Variants in NUP210L observed in about 807,000 individuals in gnomAD.
NUP210L encodes the protein nuclear pore membrane glycoprotein 210-like.
Under a neutral mutation model 208.5 loss-of-function variants are expected in NUP210L, and 74 were observed. The observed-to-expected ratio is 0.35, with a 90% CI of 0.29 to 0.43. The LOEUF (loss-of-function observed/expected upper bound fraction) is 0.43. Among genes scored for constraint, NUP210L ranks in the 20% least tolerant of loss-of-function variants. NUP210L has a pLI of 1.00. For missense variants in NUP210L, 1,843 were observed against 2,289.4 expected (o/e 0.81, Z 3.98); for synonymous variants, 780 against 816.9 (o/e 0.95, Z 0.77).
rs779190114 is a variant in NUP210L at position 154,045,274 on chromosome 1, G to A, written c.3696+795C>T. Among the ~76,000 whole-genome samples the A allele has an allele frequency of 2.0e-5, 3 of 152,082 alleles. No individual in the cohort carries two copies. The South Asian group carries it at 6.2e-4, about 31-fold the overall frequency. On this transcript the variant is annotated intron_variant, in intron 27 of 39. Coordinates refer to ENST00000368559, the Ensembl canonical transcript of NUP210L. ...GCTAAACAAAGCAATGCCACCTACA[G>A]CCCTCTATATTTGCTTTTCTTACTA...
chr1:154,035,307 T>C (rs1020645788), intron 27 of NUP210L, among the ~76,000 whole-genome samples: 6 of 152,258 alleles, frequency 3.9e-5, no homozygotes, highest in Admixed American at 3.3e-4. Context: ...TGATATTTAT[T>C]ATTTCTTTTC....
intron 12 of NUP210L, chr1:154,104,416 A>C (rs1656639279): frequency 9.0e-6 from 5 of 554,270 alleles, no homozygotes; most frequent in African/African-American, 1.9e-5. Context: ...ACATCATATC[A>C]AGGAAGGAGC....
chr1:153,998,807 C>T lies in NUP210L; in HGVS notation c.5386+2049G>A, dbSNP rs1650048640. 2.0e-5 allele frequency among the ~76,000 whole-genome samples: 3 copies of T among 150,384 alleles called. No individual in the cohort carries two copies. In the Admixed American group the frequency reaches 2.0e-4, roughly 10 times the overall value. On this transcript the variant is annotated intron_variant, in intron 37 of 39. Transcript: ENST00000368559. ...TGATCATGCCTCACTGCAACTTCAA[C>T]CTCCTGGGCTTAGGCAGTCCTCCCA...
At position 154,023,201 on chromosome 1, in the gene NUP210L, T is replaced by C. The variant is rs1651663591; in HGVS notation, c.4219A>G (p.Thr1407Ala). Residue 1407 changes from threonine (T) to alanine (A), a missense_variant, in exon 31 of 40, where the codon ACC (threonine) becomes GCC (alanine). Thr to Ala is a moderately conservative substitution (Grantham distance 58). Coordinates refer to ENST00000368559, the Ensembl canonical transcript of NUP210L. ...CTATTATAAAACTGAACAGTGAAGGTAAGAGACATGCCCAAGGGAAATGCT... is the reference window on the plus strand; with the variant it reads ...CTATTATAAAACTGAACAGTGAAGGCAAGAGACATGCCCAAGGGAAATGCT... 3.1e-6 allele frequency: 5 copies of C among 1,613,978 alleles called. No homozygotes were observed. In the African/African-American group the frequency reaches 6.7e-5, roughly 22 times the overall value.
intron 16 of NUP210L, among the ~76,000 whole-genome samples, chr1:154,086,416 G>C (rs1218929894): frequency 6.6e-6 from 1 of 152,042 alleles, no homozygotes; most frequent in East Asian, 1.9e-4. Context: ...TGATTTCTTA[G>C]ATTAGATATG....
At chr1:154,010,243 G>C in intron 34 of NUP210L, 122 bp from the exon 35 acceptor site, 1 of 853,980 alleles carries the variant, frequency 1.2e-6, no homozygotes, top group Non-Finnish European at 1.8e-6. Flanking sequence ...GTCAGTTATG[G>C]CTGGTTTGCC....
At chr1:154,148,738 A>T (rs141468089) in intron 2 of NUP210L, among the ~76,000 whole-genome samples, 271 of 152,282 alleles carry the variant, frequency 1.8e-3, no homozygotes, top group African/African-American at 6.3e-3. Context: ...GACAAACAGA[A>T]CCCCAAGTTA....
Position 153,995,837 on chromosome 1 carries a change from A to G in NUP210L, c.5387-657T>C, listed in dbSNP as rs568007295. On this transcript the variant is annotated intron_variant, in intron 37 of 39. Coordinates refer to ENST00000368559, the Ensembl canonical transcript of NUP210L. The stretch of plus-strand genomic sequence containing the variant: ...CCTGAAGTTCTTACGAGATTGTCCA[A>G]AACAACATGTCGGGTTCCATGTGTG... 5.4e-5 allele frequency: 33 copies of G among 611,608 alleles called. No homozygotes were observed. In the East Asian group the frequency reaches 1.2e-3, roughly 22 times the overall value. The allele number at this position is 611,608 out of a possible 1,614,324, so 37.9% of individuals were successfully genotyped here. A position where few individuals can be genotyped will look rare whatever the true frequency, so the allele number is the denominator to read the frequency against.
chr1:154,142,699 T>A (rs1558007606), intron 3 of NUP210L, among the ~76,000 whole-genome samples: 2 of 151,796 alleles, frequency 1.3e-5, no homozygotes, highest in Non-Finnish European at 2.9e-5. Flanking sequence ...GAGACCAGCC[T>A]GGTCAACATG....
chr1:154,141,397 T>A, intron 4 of NUP210L, 34 bp downstream of exon 4: 8 of 1,309,190 alleles, frequency 6.1e-6, no homozygotes, highest in Non-Finnish European at 8.9e-6. Context: ...GTCTTCTTCA[T>A]AGTCAGATGA....
At chr1:154,150,033 G>C (rs965660326) in intron 2 of NUP210L, among the ~76,000 whole-genome samples, 2 of 152,120 alleles carry the variant, frequency 1.3e-5, no homozygotes, top group Non-Finnish European at 2.9e-5. Flanking sequence ...TTTGAGACCA[G>C]CCTAGGCAAC....
intron 33 of NUP210L, among the ~76,000 whole-genome samples, chr1:154,014,100 A>C (rs1651113094): frequency 6.6e-6 from 1 of 152,136 alleles, no homozygotes; most frequent in Non-Finnish European, 1.5e-5. Context: ...TATACTCTAC[A>C]TTCTCCTTAG....
At chr1:154,042,086 TTCCC>T (rs1652913814) in intron 27 of NUP210L, among the ~76,000 whole-genome samples, 1 of 151,956 alleles carries the variant, frequency 6.6e-6, no homozygotes, top group Admixed American at 6.6e-5. Flanking sequence ...AAGAAGGCCT[TTCCC>T]TCTCTCTCTC....
At chr1:154,133,666 C>G (rs1198876868) in intron 7 of NUP210L, among the ~76,000 whole-genome samples, 2 of 151,746 alleles carry the variant, frequency 1.3e-5, no homozygotes, top group Non-Finnish European at 2.9e-5. Flanking sequence ...ATGGCGAGAC[C>G]TTGTGTCTAT....
chr1:154,132,007 T>A (rs1364271141), intron 7 of NUP210L, among the ~76,000 whole-genome samples: 1 of 152,028 alleles, frequency 6.6e-6, no homozygotes, highest in Non-Finnish European at 1.5e-5. Context: ...ATGGGGTTTC[T>A]CCATGTTGAC....
chr1:154,154,858 G>T (rs552015973), exon 1 of NUP210L: 18 of 1,613,790 alleles, frequency 1.1e-5, no homozygotes, highest in East Asian at 4.5e-5. Context: ...TAGCAGCCCC[G>T]CTGGGCCTCC....
chr1:154,000,432 C>T (rs1426114113), intron 37 of NUP210L, among the ~76,000 whole-genome samples: 1 of 152,186 alleles, frequency 6.6e-6, no homozygotes, highest in African/African-American at 2.4e-5. Context: ...GAAGCACTTT[C>T]CAGCTTCTTT....
In NUP210L at chr1:154,054,419, A is replaced by G. The variant is rs1264711469; in HGVS notation, c.3304-12T>C. ...CCTTCAGACATTACCTGGAATTTAA[A>G]TATACCATTGAATGCCTAGAACATG... On this transcript the variant is annotated splice_polypyrimidine_tract_variant and intron_variant, in intron 24 of 39. Coordinates refer to ENST00000368559, the Ensembl canonical transcript of NUP210L. The G allele has an allele frequency of 3.1e-6, 5 of 1,613,388 alleles. No individual in the cohort carries two copies. Among genetic ancestry groups the G allele is most frequent in the Non-Finnish European group, 2.5e-6 (3 of 1,179,356 alleles).
Position 154,022,210 on chromosome 1 carries a change from C to T in NUP210L, c.4432G>A (p.Val1478Ile), listed in dbSNP as rs767904022. Residue 1478 changes from valine to isoleucine, a missense_variant, in exon 32 of 40, where the codon GTA (valine) becomes ATA (isoleucine). Physicochemically the swap from Val to Ile is conservative, Grantham distance 29. Coordinates refer to ENST00000368559, the Ensembl canonical transcript of NUP210L. ...GTGTCTGGCTCAATGGCATGCTCTA[C>T]AGCAACAGGAATATAATCTGCCATG... The T allele has an allele frequency of 2.5e-6, 4 of 1,614,172 alleles. No individual in the cohort carries two copies. In the Admixed American group the frequency reaches 5.0e-5, roughly 20 times the overall value.
Sources: allele counts gnomAD v4.1 joint callset (sites outside exome capture counted in the v4.1 genomes callset), GRCh38; gene constraint gnomAD v4.1.1; transcripts MANE v1.5; gene names NCBI Gene and HGNC (gene_info 2026-07-23, HGNC 2026-07-21).